CC2D2A: variants seen among roughly 807,000 people sequenced by gnomAD.
CC2D2A encodes coiled-coil and C2 domain-containing protein 2A.
A neutral mutation model predicts 212.9 loss-of-function variants in CC2D2A; 155 were observed. That is an observed-to-expected ratio of 0.73 (90% CI 0.64 to 0.83). The LOEUF is 0.83. Ranked by LOEUF, CC2D2A falls within the 40% of genes least tolerant of loss-of-function variation. The pLI is 0.00. For missense variants in CC2D2A, 1,856 were observed against 1,956.2 expected (o/e 0.95, Z 0.97); for synonymous variants, 667 against 686.5 (o/e 0.97, Z 0.44).
At chr4:15,592,930 G>A (rs537778916) in intron 33 of CC2D2A, among the ~76,000 whole-genome samples, 1 of 152,050 alleles carries the variant, frequency 6.6e-6, no homozygotes, top group African/African-American at 2.4e-5. Context: ...TCAAACCCTC[G>A]AATTATTCTT....
At chr4:15,564,825 GC>G (rs1404378616) in intron 24 of CC2D2A, among the ~76,000 whole-genome samples, 2 of 151,968 alleles carry the variant, frequency 1.3e-5, no homozygotes, top group African/African-American at 4.8e-5. Context: ...CTACAGGTGT[GC>G]CCCACCACGC....
At position 15,470,005 on chromosome 4, in the gene CC2D2A, C is replaced by T. The variant is rs1251447203; in HGVS notation, c.-71C>T. ...GATTCAACAGCACCGTCTCTCTCCA[C>T]TTCCATCCTAGAATGCAGAATCTGC... On this transcript the variant is annotated 5_prime_UTR_variant, in exon 1 of 37. Transcript: ENST00000424120. 1 of 152,238 alleles carries T rather than the reference C, an allele frequency of 6.6e-6. No individual in the cohort carries two copies. Among genetic ancestry groups the T allele is most frequent in the Non-Finnish European group, 1.5e-5 (1 of 68,058 alleles). 9.4% of individuals were successfully genotyped at this position (152,238 alleles called of 1,614,324 possible). A position where few individuals can be genotyped will look rare whatever the true frequency, so the allele number is the denominator to read the frequency against.
intron 16 of CC2D2A, among the ~76,000 whole-genome samples, chr4:15,538,633 G>A (rs1468524601): frequency 1.3e-5 from 2 of 152,086 alleles, no homozygotes; most frequent in Non-Finnish European, 2.9e-5. Flanking sequence ...TGGTATTTAA[G>A]TCAGGCCATC....
chr4:15,512,400 C>T (rs1346123855), intron 8 of CC2D2A, among the ~76,000 whole-genome samples: 1 of 152,080 alleles, frequency 6.6e-6, no homozygotes, highest in Non-Finnish European at 1.5e-5. Flanking sequence ...TGACACATGC[C>T]ACAACATAGA....
chr4:15,526,114 G>T (rs1717497317), intron 11 of CC2D2A, among the ~76,000 whole-genome samples: 1 of 152,060 alleles, frequency 6.6e-6, no homozygotes, highest in Non-Finnish European at 1.5e-5. Context: ...ACCTCCCTCT[G>T]CACATCCCAG....
intron 4 of CC2D2A, among the ~76,000 whole-genome samples, chr4:15,498,654 ACT>A (rs199970795): frequency 0.01 from 1,562 of 152,264 alleles, 116 homozygotes; most frequent in Admixed American, 0.093. Context: ...TTAAAGAAAC[ACT>A]GTTTGCCATA....
chr4:15,580,530 C>T (rs1720615292), intron 30 of CC2D2A, among the ~76,000 whole-genome samples: 1 of 149,174 alleles, frequency 6.7e-6, no homozygotes, highest in South Asian at 2.1e-4. Flanking sequence ...CCCAGCTACT[C>T]GGGAGGCTGA....
intron 4 of CC2D2A, among the ~76,000 whole-genome samples, chr4:15,501,425 T>A (rs2108997141): frequency 6.6e-6 from 1 of 152,212 alleles, no homozygotes; most frequent in Admixed American, 6.5e-5. Context: ...GCTGCTTGCA[T>A]TCATGTCCTC....
chr4:15,514,809 A>G lies in CC2D2A; in HGVS notation c.820A>G (p.Ser274Gly). 1 of 1,613,948 alleles carries G rather than the reference A, an allele frequency of 6.2e-7. No homozygotes were observed. Among genetic ancestry groups the G allele is most frequent in the African/African-American group, 1.3e-5 (1 of 75,064 alleles). The change falls in exon 9 of 37, where the codon AGC becomes GGC. Residue 274 changes from serine to glycine, a missense_variant. Physicochemically the swap from Ser to Gly is moderately conservative, Grantham distance 56. This residue lies in a region of CC2D2A where 1,512 missense variants were observed against 1,579.3 expected (regional missense o/e 0.96). Coordinates refer to ENST00000424120, the MANE Select transcript of CC2D2A (RefSeq NM_001378615.1). ...FVAVRPADYE[S>G]IHDRLQMERE... The stretch of plus-strand genomic sequence containing the variant: ...AGCAGTCAGACCTGCAGATTATGAA[A>G]GCATCCATGATCGGCTGCAGATGGA...
At chr4:15,578,170 A>T (rs886679218) in intron 29 of CC2D2A, among the ~76,000 whole-genome samples, 8 of 152,208 alleles carry the variant, frequency 5.3e-5, no homozygotes, top group African/African-American at 1.4e-4. Flanking sequence ...TTTATTAGGT[A>T]GCTACTGTCT....
At chr4:15,493,245 ATTAT>A (rs58220743) in intron 4 of CC2D2A, among the ~76,000 whole-genome samples, 299 of 148,362 alleles carry the variant, frequency 2.0e-3, no homozygotes, top group East Asian at 5.4e-3. Context: ...CACTTTATTT[ATTAT>A]TTATTTATTT....
chr4:15,538,076 C>G lies in CC2D2A; in HGVS notation c.1942C>G (p.Pro648Ala), dbSNP rs1424173115. ...AAQSRRRPWE[P>A]TLVPELSLAG... Reference sequence around the variant, plus strand: ...CCAGAGCAGGAGGAGGCCTTGGGAGCCCACGCTGGTCCCGGAGCTAAGCCT... The same window carrying G: ...CCAGAGCAGGAGGAGGCCTTGGGAGGCCACGCTGGTCCCGGAGCTAAGCCT... Residue 648 changes from proline to alanine, a missense_variant, in exon 16 of 37, where the codon CCC becomes GCC. Around this residue, in one of 5 missense-constraint regions of CC2D2A, gnomAD observed 1,512 missense variants for 1,579.3 expected, o/e 0.96. Coordinates refer to ENST00000424120, the MANE Select transcript of CC2D2A (RefSeq NM_001378615.1). 2 of 1,606,412 alleles carry G rather than the reference C, an allele frequency of 1.2e-6. No homozygotes were observed. The highest frequency in any genetic ancestry group is 1.7e-6 in the Non-Finnish European group (2 of 1,176,566).
chr4:15,597,813 T>C (rs1230332252), intron 35 of CC2D2A, among the ~76,000 whole-genome samples: 1 of 152,204 alleles, frequency 6.6e-6, no homozygotes, highest in Non-Finnish European at 1.5e-5. Context: ...AGCTAGTTTA[T>C]GGACCTAACA....
chr4:15,580,137 TTAA>T lies in CC2D2A; in HGVS notation c.3943_3945del (p.Asn1315del). 1 of 1,613,930 alleles carries T rather than the reference TTAA, an allele frequency of 6.2e-7. No individual in the cohort carries two copies. Among genetic ancestry groups the T allele is most frequent in the Non-Finnish European group, 8.5e-7 (1 of 1,179,824 alleles). ...CCTTTAAACCCTCCTCAGGAGCTCC[TTAA>T]TGTCTACCCCAATAATCTACAGGCA... On this transcript the variant is annotated inframe_deletion, in exon 30 of 37. Coordinates refer to ENST00000424120, the MANE Select transcript of CC2D2A (RefSeq NM_001378615.1).
intron 14 of CC2D2A, among the ~76,000 whole-genome samples, chr4:15,536,349 C>T (rs530243230): frequency 1.3e-5 from 2 of 152,144 alleles, no homozygotes; most frequent in East Asian, 1.9e-4. Context: ...AGGAGAAATA[C>T]CTAATGTAGA....
rs1719958857 is a variant in CC2D2A, at chr4:15,567,784, TA to T, written c.3397del (p.Arg1133GlyfsTer15). On this transcript the variant is annotated frameshift_variant and splice_region_variant, in exon 26 of 37. Coordinates refer to ENST00000424120, the MANE Select transcript of CC2D2A (RefSeq NM_001378615.1). LOFTEE classifies it high-confidence loss of function. ...SWNEELELPF[R>X]APNGDYSTAS... is the part of the protein sequence containing the mutation. ...GGAATGAAGAACTAGAACTTCCATT[TA>T]GGTAAGCATATTTTCCTCTTTAAAG... The T allele has an allele frequency of 6.3e-7, 1 of 1,576,812 alleles. No homozygotes were observed. Among genetic ancestry groups the T allele is most frequent in the Non-Finnish European group, 8.6e-7 (1 of 1,162,752 alleles).
Position 15,470,689 on chromosome 4 carries a change from CTATATATATA to C in CC2D2A, c.-19+668_-19+677del, listed in dbSNP as rs199958992. 8.2e-3 allele frequency among the ~76,000 whole-genome samples: 413 copies of C among 50,456 alleles called. 4 individuals are homozygous for C. The highest frequency in any genetic ancestry group is 0.029 in the African/African-American group (313 of 10,760). 33.1% of individuals were successfully genotyped at this position (50,456 alleles called of 152,430 possible). A position where few individuals can be genotyped will look rare whatever the true frequency, so the allele number is the denominator to read the frequency against. ...TCTCTCTCTCTCTCTCTCTCTCTCT[CTATATATATA>C]TATATATATATATATATATATATAT... On this transcript the variant is annotated intron_variant, in intron 1 of 36. Coordinates refer to ENST00000424120, the MANE Select transcript of CC2D2A (RefSeq NM_001378615.1).
At chr4:15,527,064 A>G (rs1717546003) in intron 11 of CC2D2A, among the ~76,000 whole-genome samples, 1 of 152,180 alleles carries the variant, frequency 6.6e-6, no homozygotes, top group South Asian at 2.1e-4. Context: ...CCAAATAATG[A>G]TCGGTTTGAA....
rs1265032290 is a variant in CC2D2A at position 15,568,780 on chromosome 4, T to C, written c.3399-513T>C. Among the ~76,000 whole-genome samples the C allele has an allele frequency of 2.0e-5, 3 of 152,298 alleles. No individual in the cohort carries two copies. In the East Asian group the frequency reaches 5.8e-4, roughly 29 times the overall value. ...GCTTAGCTAGACTCAGAGTGGGTTA[T>C]GTTACAGGAGACCTTACCCCTGTAT... On this transcript the variant is annotated intron_variant, in intron 26 of 36. Coordinates refer to ENST00000424120, the MANE Select transcript of CC2D2A (RefSeq NM_001378615.1).
Sources: allele counts gnomAD v4.1 joint callset (sites outside exome capture counted in the v4.1 genomes callset), GRCh38; gene constraint gnomAD v4.1.1; regional missense constraint gnomAD v4.1.1; transcripts MANE v1.5; gene names NCBI Gene and HGNC (gene_info 2026-07-23, HGNC 2026-07-21).